The following PFAS variants were observed in gnomAD, a reference collection of about 807,000 sequenced individuals.
The protein encoded by PFAS is phosphoribosylformylglycinamidine synthase.
PFAS carries 97 observed loss-of-function variants against 140.6 expected under a neutral mutation model. The ratio of observed to expected loss-of-function variants is 0.69; its 90% confidence interval spans 0.59 to 0.82. The LOEUF (loss-of-function observed/expected upper bound fraction) is 0.82. Ranked by LOEUF, PFAS falls within the 40% of genes least tolerant of loss-of-function variation. The pLI is 0.00. For missense variants in PFAS, 1,656 were observed against 1,780.2 expected, an observed-to-expected ratio of 0.93 and a Z score of 1.26; for synonymous variants, 679 against 718.8, an observed-to-expected ratio of 0.94 and a Z score of 0.88.
intron 11 of PFAS, among the ~76,000 whole-genome samples, chr17:8,260,546 G>C (rs1989550248): frequency 6.6e-6 from 1 of 152,206 alleles, no homozygotes; most frequent in Non-Finnish European, 1.5e-5. Flanking sequence ...TTAGTTGGTG[G>C]ACATTGGGGT....
chr17:8,266,677 C>G lies in PFAS; in HGVS notation c.2822-76C>G, dbSNP rs576223643. On this transcript the variant is annotated intron_variant, in intron 22 of 27. Coordinates refer to ENST00000314666, the MANE Select transcript of PFAS (RefSeq NM_012393.3). This position sits in a 1 kb window ranked among gnomAD's most constrained non-coding sequence, Gnocchi z 5.0. ...CCCTCTGACCCTCACCCTGGCCCTT[C>G]CTGCATTTCCCTGATCCCGCCCCAA... The G allele has an allele frequency of 1.3e-4, 200 of 1,534,758 alleles. 1 individual carries two copies. In the African/African-American group the frequency reaches 2.3e-3, roughly 18 times the overall value.
At position 8,269,276 on chromosome 17, in the gene PFAS, G is replaced by C; in HGVS notation, c.*12G>C. Reference sequence around the variant, plus strand: ...AAGGGAGCTGCTGACTGGCCACAGGGGCTCACCTGGGCCCCATGGCTTTTC... The same window carrying C: ...AAGGGAGCTGCTGACTGGCCACAGGCGCTCACCTGGGCCCCATGGCTTTTC... On this transcript the variant is annotated 3_prime_UTR_variant, in exon 28 of 28. Coordinates refer to ENST00000314666, the MANE Select transcript of PFAS (RefSeq NM_012393.3). The C allele has an allele frequency of 6.3e-7, 1 of 1,583,158 alleles. No homozygotes were observed. Among genetic ancestry groups the C allele is most frequent in the Non-Finnish European group, 8.6e-7 (1 of 1,161,526 alleles).
Position 8,267,936 on chromosome 17 carries a change from ATAT to A in PFAS, c.3382+276_3382+278del, listed in dbSNP as rs950054783. ...TATTATTTATATATTATTAAAATGT[ATAT>A]TATTTATATATTATTAAAATATATA... On this transcript the variant is annotated intron_variant, in intron 26 of 27. Coordinates refer to ENST00000314666, the MANE Select transcript of PFAS (RefSeq NM_012393.3). The surrounding 1 kb of genome is among the most constrained non-coding windows in gnomAD (Gnocchi z 4.9). 7.6e-4 allele frequency among the ~76,000 whole-genome samples: 110 copies of A among 144,730 alleles called. No individual in the cohort carries two copies. The highest frequency in any genetic ancestry group is 1.0e-3 in the Non-Finnish European group (69 of 66,090). The allele number at this position is 144,730 out of a possible 152,430, so 94.9% of individuals were successfully genotyped here.
At chr17:8,248,769 G>A (rs997673968), upstream of PFAS, among the ~76,000 whole-genome samples, 3 of 152,090 alleles carry the variant, frequency 2.0e-5, no homozygotes, top group African/African-American at 7.2e-5. Flanking sequence ...ATGTTGCCCA[G>A]ACTGGTCTCG....
chr17:8,254,889 T>C (rs1989297048), intron 3 of PFAS, 138 bp from the exon 4 acceptor site: 5 of 631,306 alleles, frequency 7.9e-6, no homozygotes, highest in Admixed American at 2.8e-5. Flanking sequence ...AGGTTTCTTG[T>C]TGCCCAGCCT....
In PFAS at chr17:8,263,852, C is replaced by T. The variant is rs768895635; in HGVS notation, c.1707C>T (p.Ser569=). Residue 569 remains serine, a synonymous_variant, in exon 15 of 28, where the codon TCC becomes TCT. Transcript: ENST00000314666. ...AATCAAATGCTCTTCTGCTGAGGTC[C>T]CCCAACCGGGACTTCCTGACTCATG... is the stretch of plus-strand genomic sequence containing the variant. ...YQESNALLLR[S]PNRDFLTHVS... is the part of the protein sequence containing the mutation. 6.2e-7 allele frequency: 1 copy of T among 1,614,124 alleles called. No homozygotes were observed. Among genetic ancestry groups the T allele is most frequent in the East Asian group, 2.2e-5 (1 of 44,882 alleles).
At position 8,266,351 on chromosome 17, in the gene PFAS, A is replaced by G; in HGVS notation, c.2819A>G (p.Asp940Gly). ...LQVDVPVPRV[D>G]VLSVLFAEEP... ...GTGGATGTGCCTGTCCCCAGGGTTG[A>G]TGGTAAGGAACCTGGGGTCTAGTCT... The change falls in exon 22 of 28, where the codon GAT becomes GGT. Residue 940 changes from aspartate (D) to glycine (G), a missense_variant and splice_region_variant. This residue lies in a region of PFAS where 883 missense variants were observed against 1,023.0 expected (regional missense o/e 0.86). Coordinates refer to ENST00000314666, the MANE Select transcript of PFAS (RefSeq NM_012393.3). The surrounding 1 kb of genome is among the most constrained non-coding windows in gnomAD (Gnocchi z 5.0). 6.2e-7 allele frequency: 1 copy of G among 1,613,902 alleles called. No individual in the cohort carries two copies. The highest frequency in any genetic ancestry group is 1.3e-5 in the African/African-American group (1 of 74,964).
At position 8,267,618 on chromosome 17, in the gene PFAS, C is replaced by G. The variant is rs776533212; in HGVS notation, c.3335C>G (p.Ala1112Gly). 1.9e-6 allele frequency: 3 copies of G among 1,612,936 alleles called. No individual in the cohort carries two copies. The highest frequency in any genetic ancestry group is 2.2e-5 in the South Asian group (2 of 91,046). ...AIGLDTFRGV[A>G]FVGGFSYADV... ...GGGCTGGACACTTTCCGTGGCGTGGCCTTCGTGGGCGGCTTCAGCTATGCA... is the reference window on the plus strand; with the variant it reads ...GGGCTGGACACTTTCCGTGGCGTGGGCTTCGTGGGCGGCTTCAGCTATGCA... Residue 1112 changes from alanine to glycine, a missense_variant, in exon 26 of 28, where the codon GCC becomes GGC. Ala to Gly is a moderately conservative substitution (Grantham distance 60, BLOSUM62 0). This residue lies in a region of PFAS where 883 missense variants were observed against 1,023.0 expected (regional missense o/e 0.86). Transcript: ENST00000314666. This position sits in a 1 kb window ranked among gnomAD's most constrained non-coding sequence, Gnocchi z 4.9.
intron 1 of PFAS, 51 bp from the exon 2 acceptor site, chr17:8,253,808 G>T: frequency 7.4e-7 from 1 of 1,357,258 alleles, no homozygotes. Context: ...CAAAGTGCTG[G>T]GGTTACAGAT....
intron 1 of PFAS, among the ~76,000 whole-genome samples, chr17:8,249,670 C>T (rs1989065954): frequency 6.6e-6 from 1 of 152,168 alleles, no homozygotes; most frequent in South Asian, 2.1e-4. Context: ...TGTCTCTGAG[C>T]TCTTGAAGCT....
intron 11 of PFAS, 116 bp downstream of exon 11, chr17:8,258,315 CT>C: frequency 1.8e-6 from 2 of 1,121,448 alleles, no homozygotes; most frequent in Non-Finnish European, 2.6e-6. Flanking sequence ...GTTGGCTTAT[CT>C]TATGTGTCAC....
At position 8,255,721 on chromosome 17, in the gene PFAS, C is replaced by T. The variant is rs776142761; in HGVS notation, c.574+30C>T. 8.7e-6 allele frequency: 14 copies of T among 1,602,892 alleles called. No individual in the cohort carries two copies. In the Admixed American group the frequency reaches 2.2e-4, roughly 25 times the overall value. The stretch of plus-strand genomic sequence containing the variant: ...GTAGCTGGGGAGGGAGATGTAGGGT[C>T]CAGGATAGGCCAGTAGGGGTGCTGA... On this transcript the variant is annotated intron_variant, in intron 5 of 27. Coordinates refer to ENST00000314666, the MANE Select transcript of PFAS (RefSeq NM_012393.3).
At chr17:8,257,754 GC>G in intron 9 of PFAS, 52 bp from the exon 10 acceptor site, 1 of 1,602,356 alleles carries the variant, frequency 6.2e-7, no homozygotes, top group African/African-American at 1.3e-5. Context: ...GGCTGCTCCG[GC>G]CTGTCTTCAC....
chr17:8,265,466 C>T lies in PFAS; in HGVS notation c.2459C>T (p.Pro820Leu), dbSNP rs780482379. ...GTTGGCACTGAGACCGTGCGGGCTC[C>T]TGGTGAGGTGTGGGAGCCCCAGGGA... Reference protein sequence around the residue: ...ARVGTETVRAPGSLVISAYAV... With the variant: ...ARVGTETVRALGSLVISAYAV... The change falls in exon 19 of 28, where the codon CCT becomes CTT. Residue 820 changes from proline (P) to leucine (L), a missense_variant and splice_region_variant. Pro to Leu is a moderately conservative substitution (Grantham distance 98, BLOSUM62 -3). Transcript: ENST00000314666. 6.2e-7 allele frequency: 1 copy of T among 1,613,580 alleles called. No homozygotes were observed. Among genetic ancestry groups the T allele is most frequent in the Non-Finnish European group, 8.5e-7 (1 of 1,179,586 alleles).
chr17:8,248,627 G>A (rs572414830), upstream of PFAS, among the ~76,000 whole-genome samples: 10 of 151,704 alleles, frequency 6.6e-5, no homozygotes, highest in African/African-American at 2.4e-4. Context: ...GCGCCATCTC[G>A]GTTCACTGCA....
Position 8,264,593 on chromosome 17 carries a change from A to C in PFAS, c.2041A>C (p.Thr681Pro). ...CGCCGTGGCCAGCAAGCGCTACCTC[A>C]CCAATAAGGTCCTCCCTGCACCCTT... ...LPAVASKRYLTNKVDRSVGGL... is the reference protein window; with the variant it reads ...LPAVASKRYLPNKVDRSVGGL... The change falls in exon 17 of 28, where the codon ACC (threonine) becomes CCC (proline). Residue 681 changes from threonine to proline, a missense_variant. By Grantham distance (38) the Thr-to-Pro change is conservative. Coordinates refer to ENST00000314666, the MANE Select transcript of PFAS (RefSeq NM_012393.3). 1 of 1,611,982 alleles carries C rather than the reference A, an allele frequency of 6.2e-7. No individual in the cohort carries two copies. Among genetic ancestry groups the C allele is most frequent in the African/African-American group, 1.3e-5 (1 of 74,958 alleles).
Position 8,268,885 on chromosome 17 carries a change from C to T in PFAS, c.3706+29C>T, listed in dbSNP as rs772567285. ...AGGCCCAAGGAAGGCTGGGGGAGGG[C>T]CCGAGGGTTGGGGGCAAGGGTGGGC... On this transcript the variant is annotated intron_variant, in intron 27 of 27. Coordinates refer to ENST00000314666, the MANE Select transcript of PFAS (RefSeq NM_012393.3). 5.6e-6 allele frequency: 9 copies of T among 1,611,752 alleles called. No individual in the cohort carries two copies. The African/African-American group carries it at 9.3e-5, about 17-fold the overall frequency.
In PFAS at chr17:8,256,879, A is replaced by G; in HGVS notation, c.991A>G (p.Ile331Val). 1 of 1,613,708 alleles carries G rather than the reference A, an allele frequency of 6.2e-7. No homozygotes were observed. Among genetic ancestry groups the G allele is most frequent in the Non-Finnish European group, 8.5e-7 (1 of 1,179,766 alleles). Residue 331 changes from isoleucine to valine, a missense_variant, in exon 9 of 28, where the codon ATT (isoleucine) becomes GTT (valine). Around this residue, in one of 2 missense-constraint regions of PFAS, gnomAD observed 773 missense variants for 757.3 expected, o/e 1.02. Coordinates refer to ENST00000314666, the MANE Select transcript of PFAS (RefSeq NM_012393.3). The stretch of plus-strand genomic sequence containing the variant: ...TGCAACCACTGGCACAGGGGGCCGG[A>G]TTCGAGATGTCCAGTGCACAGGCCG... ...SGATTGTGGR[I>V]RDVQCTGRGA...
rs1280810084 is a variant in PFAS, at chr17:8,269,631, T to C, written c.*367T>C. 2 of 217,696 alleles carry C rather than the reference T, an allele frequency of 9.2e-6. No individual in the cohort carries two copies. The highest frequency in any genetic ancestry group is 4.6e-5 in the African/African-American group (2 of 43,806). 13.5% of individuals were successfully genotyped at this position (217,696 alleles called of 1,614,324 possible). A position where few individuals can be genotyped will look rare whatever the true frequency, so the allele number is the denominator to read the frequency against. ...ATTGCCTCCTTGGCTCTGAGGGATG[T>C]TTTGCGCTCCCTTTTCTCATCATTG... On this transcript the variant is annotated 3_prime_UTR_variant, in exon 28 of 28. Transcript: ENST00000314666.
Sources: gnomAD v4.1 joint callset for allele counts (sites outside exome capture counted in the v4.1 genomes callset) on GRCh38, gnomAD v4.1.1 for gene constraint, gnomAD v4.1.1 regional missense constraint, Gnocchi (gnomAD v3.1) non-coding constraint, MANE v1.5 for transcripts, NCBI Gene and HGNC (gene_info 2026-07-23, HGNC 2026-07-21) for gene names.